The following CDH4 variants were observed in gnomAD, a reference collection of about 807,000 sequenced individuals.
CDH4 encodes the protein cadherin-4.
A neutral mutation model predicts 86.0 loss-of-function variants in CDH4; 33 were observed. That is an observed-to-expected ratio of 0.38 (90% CI 0.29 to 0.51). The LOEUF (loss-of-function observed/expected upper bound fraction) is 0.51. Among genes scored for constraint, CDH4 ranks in the 20% least tolerant of loss-of-function variants. The pLI is 0.86. For missense variants in CDH4, 1,114 were observed against 1,307.4 expected (o/e 0.85, Z 2.28); for synonymous variants, 555 against 549.4 (o/e 1.01, Z -0.14).
In CDH4 at chr20:61,510,099, G is replaced by T. The variant is rs1244999111; in HGVS notation, c.170-233464G>T. Among the ~76,000 whole-genome samples the T allele has an allele frequency of 6.6e-6, 1 of 152,212 alleles. No homozygotes were observed. Among genetic ancestry groups the T allele is most frequent in the Non-Finnish European group, 1.5e-5 (1 of 68,040 alleles). On this transcript the variant is annotated intron_variant, in intron 2 of 15. Coordinates refer to ENST00000614565, the MANE Select transcript of CDH4 (RefSeq NM_001794.5). This position sits in a 1 kb window ranked among gnomAD's most constrained non-coding sequence, Gnocchi z 4.2. ...TTCTATTGAAAGTCTATGTAACTCT[G>T]TGAGTGTTTTCCAGTGGAGTGTTAT...
At chr20:61,355,434 A>T (rs2084743369) in intron 2 of CDH4, among the ~76,000 whole-genome samples, 1 of 152,198 alleles carries the variant, frequency 6.6e-6, no homozygotes, top group South Asian at 2.1e-4. Context: ...GTGAAGGTAC[A>T]GGTCTTCCTC....
intron 2 of CDH4, among the ~76,000 whole-genome samples, chr20:61,483,063 C>T (rs2085576790): frequency 6.6e-6 from 1 of 152,230 alleles, no homozygotes; most frequent in African/African-American, 2.4e-5. Flanking sequence ...AAACCTTCAG[C>T]TCTGCTGCTG....
chr20:61,514,886 G>C (rs1032679114), intron 2 of CDH4, among the ~76,000 whole-genome samples: 2 of 152,210 alleles, frequency 1.3e-5, no homozygotes, highest in African/African-American at 4.8e-5. Context: ...GCACCTGGGC[G>C]GCAGCCATGG....
rs2087553216 is a variant in CDH4, at chr20:61,684,537, C to T, written c.170-59026C>T. Among the ~76,000 whole-genome samples the T allele has an allele frequency of 6.6e-6, 1 of 152,322 alleles. No homozygotes were observed. Among genetic ancestry groups the T allele is most frequent in the East Asian group, 1.9e-4 (1 of 5,188 alleles). ...CCTGTTCCATATCACACACAAGGTC[C>T]AGCCCCCTGTGTTGTTCTGCAGCTG... On this transcript the variant is annotated intron_variant, in intron 2 of 15. Transcript: ENST00000614565. This position sits in a 1 kb window ranked among gnomAD's most constrained non-coding sequence, Gnocchi z 4.5.
At chr20:61,652,255 C>T (rs185491404) in intron 2 of CDH4, among the ~76,000 whole-genome samples, 12 of 152,292 alleles carry the variant, frequency 7.9e-5, no homozygotes, top group African/African-American at 2.9e-4. Context: ...ATGGTGACAC[C>T]TTCGAACAGT....
At chr20:61,495,551 T>G (rs1211809732) in intron 2 of CDH4, among the ~76,000 whole-genome samples, 1 of 152,242 alleles carries the variant, frequency 6.6e-6, no homozygotes, top group East Asian at 1.9e-4. Context: ...AAACTGAGAC[T>G]GCAGCCTGGG....
intron 4 of CDH4, among the ~76,000 whole-genome samples, chr20:61,806,787 G>A (rs1980161194): frequency 6.6e-6 from 1 of 152,170 alleles, no homozygotes; most frequent in Non-Finnish European, 1.5e-5. Context: ...CAACATGCAT[G>A]TTTTGCCACA....
intron 2 of CDH4, among the ~76,000 whole-genome samples, chr20:61,273,986 C>A (rs1199575535): frequency 3.2e-5 from 3 of 93,354 alleles, no homozygotes; most frequent in African/African-American, 1.3e-4. Flanking sequence ...GGGTACCATG[C>A]ACAGTTTGGG....
intron 2 of CDH4, among the ~76,000 whole-genome samples, chr20:61,317,785 G>A (rs1322529920): frequency 2.6e-5 from 4 of 152,316 alleles, no homozygotes; most frequent in South Asian, 2.1e-4. Context: ...GGGCACTTCT[G>A]GGAAGCGTTT....
At chr20:61,842,713 C>A (rs1049880242) in intron 4 of CDH4, among the ~76,000 whole-genome samples, 1 of 149,796 alleles carries the variant, frequency 6.7e-6, no homozygotes, top group African/African-American at 2.4e-5. Context: ...AATCTGTTAC[C>A]CCTATTTTTC....
chr20:61,530,719 C>T (rs1409122520), intron 2 of CDH4, among the ~76,000 whole-genome samples: 5 of 152,078 alleles, frequency 3.3e-5, no homozygotes, highest in African/African-American at 7.2e-5. Flanking sequence ...TACCCTAAAC[C>T]GTGGATGCTG....
chr20:61,651,648 C>T (rs4925190), intron 2 of CDH4, among the ~76,000 whole-genome samples: 56,609 of 152,132 alleles, frequency 0.37, 11,453 homozygotes, highest in Non-Finnish European at 0.46. Flanking sequence ...CATCGGGGGC[C>T]ATCTGGTCAG....
intron 2 of CDH4, among the ~76,000 whole-genome samples, chr20:61,328,135 TTAGA>T (rs369581226): frequency 5.1e-4 from 78 of 152,226 alleles, no homozygotes; most frequent in African/African-American, 1.6e-3. Flanking sequence ...TTTATGTGAA[TTAGA>T]TAGAGTGGAC....
chr20:61,511,136 A>G lies in CDH4; in HGVS notation c.170-232427A>G, dbSNP rs6061263. ...TTAACATGAGATTTGCTGGGGGCAA[A>G]TATCCAAACTACATCATGAGTGAAT... On this transcript the variant is annotated intron_variant, in intron 2 of 15. Transcript: ENST00000614565. 3.3e-3 allele frequency among the ~76,000 whole-genome samples: 497 copies of G among 152,350 alleles called. 1 individual carries two copies. The highest frequency in any genetic ancestry group is 0.011 in the African/African-American group (469 of 41,584).
intron 2 of CDH4, among the ~76,000 whole-genome samples, chr20:61,344,284 G>A (rs926821071): frequency 6.6e-6 from 1 of 152,114 alleles, no homozygotes; most frequent in Admixed American, 6.6e-5. Flanking sequence ...GCTTCCACTG[G>A]GGTCACACAA....
rs534327639 is a variant in CDH4, at chr20:61,649,839, C to T, written c.170-93724C>T. ...ACTCGTTATTTCCTGGGCTGTGACA[C>T]CTGAAAGAAGGAAGACTGAGGCAGG... On this transcript the variant is annotated intron_variant, in intron 2 of 15. Transcript: ENST00000614565. Among the ~76,000 whole-genome samples the T allele has an allele frequency of 3.3e-3, 510 of 152,290 alleles. 1 individual carries two copies. Among genetic ancestry groups the T allele is most frequent in the Non-Finnish European group, 4.8e-3 (324 of 68,024 alleles).
intron 7 of CDH4, among the ~76,000 whole-genome samples, chr20:61,876,702 C>T (rs932081347): frequency 1.3e-5 from 2 of 152,116 alleles, no homozygotes; most frequent in Non-Finnish European, 2.9e-5. Flanking sequence ...GGTTTCGTGT[C>T]GGTCCGCCCT....
intron 2 of CDH4, among the ~76,000 whole-genome samples, chr20:61,420,211 C>G (rs930990830): frequency 3.9e-5 from 6 of 152,246 alleles, no homozygotes; most frequent in African/African-American, 7.2e-5. Context: ...GAGAGCAAGC[C>G]TCCCTCTGCA....
chr20:61,559,448 C>T (rs947469291), intron 2 of CDH4, among the ~76,000 whole-genome samples: 10 of 151,424 alleles, frequency 6.6e-5, no homozygotes, highest in Non-Finnish European at 5.9e-5. Context: ...GGGAGGAAGG[C>T]GGTTTCACTG....
Sources: gnomAD v4.1 joint callset for allele counts (sites outside exome capture counted in the v4.1 genomes callset) on GRCh38, gnomAD v4.1.1 for gene constraint, Gnocchi (gnomAD v3.1) non-coding constraint, MANE v1.5 for transcripts, NCBI Gene and HGNC (gene_info 2026-07-23, HGNC 2026-07-21) for gene names.